The following ZNF697 variants were observed in gnomAD, a reference collection of about 807,000 sequenced individuals.
ZNF697 encodes zinc finger protein 697.
In ZNF697, 23 loss-of-function variants were observed where a neutral mutation model predicts 32.4. The ratio of observed to expected loss-of-function variants is 0.71; its 90% CI spans 0.51 to 1.01. The LOEUF (loss-of-function observed/expected upper bound fraction) is 1.01, where lower values mean the gene tolerates loss of function less well. Ranked by LOEUF, ZNF697 falls within the 50% of genes least tolerant of loss-of-function variation. The pLI is 0.00. For missense variants in ZNF697, 930 were observed against 794.0 expected, an observed-to-expected ratio of 1.17 and a Z score of -2.06; for synonymous variants, 418 against 337.2, an observed-to-expected ratio of 1.24 and a Z score of -2.62.
rs1268649653 is a variant in ZNF697 at position 119,622,796 on chromosome 1, G to A, written c.1547C>T (p.Thr516Met). Residue 516 changes from threonine to methionine, a missense_variant, in exon 3 of 3, where the codon ACG becomes ATG. By Grantham distance (81) the Thr-to-Met change is moderately conservative (BLOSUM62 -1). Transcript: ENST00000421812. ...SHLIRHRRIH[T>M]GNKPHKCAGC... The stretch of plus-strand genomic sequence containing the variant: ...CGCACACTTGTGCGGCTTGTTGCCC[G>A]TGTGGATGCGGCGGTGGCGGATCAG... 2.5e-6 allele frequency: 4 copies of A among 1,600,336 alleles called. No individual in the cohort carries two copies. The African/African-American group carries it at 4.0e-5, about 16-fold the overall frequency.
At position 119,623,926 on chromosome 1, in the gene ZNF697, G is replaced by C. The variant is rs372205850; in HGVS notation, c.417C>G (p.Pro139=). ...LEEEEEQPAP[P]VLPWRRHLSL... is the part of the protein sequence containing the mutation. Reference sequence around the variant, plus strand: ...AGAGATGTCGCCTCCAGGGAAGTACGGGAGGGGCCGGCTGCTCCTCTTCCT... The same window carrying C: ...AGAGATGTCGCCTCCAGGGAAGTACCGGAGGGGCCGGCTGCTCCTCTTCCT... The change falls in exon 3 of 3, where the codon CCC becomes CCG. Residue 139 remains proline (P), a synonymous_variant. Coordinates refer to ENST00000421812, the MANE Select transcript of ZNF697 (RefSeq NM_001080470.2). The C allele has an allele frequency of 6.3e-7, 1 of 1,584,238 alleles. No individual in the cohort carries two copies. Among genetic ancestry groups the C allele is most frequent in the East Asian group, 2.3e-5 (1 of 43,152 alleles).
chr1:119,628,492 G>T (rs908503256), intron 1 of ZNF697, among the ~76,000 whole-genome samples: 4 of 152,202 alleles, frequency 2.6e-5, no homozygotes, highest in Non-Finnish European at 4.4e-5. Context: ...CGTATGAAAA[G>T]TTCACAGTGC....
chr1:119,638,342 TTTAG>T (rs1015565851), intron 1 of ZNF697, among the ~76,000 whole-genome samples: 2 of 152,214 alleles, frequency 1.3e-5, no homozygotes, highest in Admixed American at 6.5e-5. Flanking sequence ...ATTGCTAACA[TTTAG>T]TTAGTGATCC....
intron 1 of ZNF697, among the ~76,000 whole-genome samples, chr1:119,642,456 T>C (rs1364838535): frequency 6.6e-6 from 1 of 152,176 alleles, no homozygotes; most frequent in African/African-American, 2.4e-5. Context: ...AGGCTGTACA[T>C]GTGTGAGGGC....
intron 1 of ZNF697, 26 bp from the exon 2 acceptor site, chr1:119,626,163 G>C: frequency 2.5e-6 from 4 of 1,604,740 alleles, no homozygotes; most frequent in Non-Finnish European, 2.6e-6. Context: ...ACAAAGAAAG[G>C]TCACGTCAGT....
intron 1 of ZNF697, among the ~76,000 whole-genome samples, chr1:119,628,636 A>G (rs1648670336): frequency 6.6e-6 from 1 of 152,220 alleles, no homozygotes; most frequent in Admixed American, 6.5e-5. Context: ...GATACCATTC[A>G]TGGCACAACA....
At chr1:119,637,966 A>G (rs1465398267) in intron 1 of ZNF697, among the ~76,000 whole-genome samples, 1 of 135,550 alleles carries the variant, frequency 7.4e-6, no homozygotes, top group African/African-American at 3.0e-5. Context: ...AGAAAGAGAC[A>G]GAGAGAGAGA....
In ZNF697 at chr1:119,623,307, CCGCGCCGCTGGCCGCCGCGTGCG is replaced by C. The variant is rs1478141677; in HGVS notation, c.1013_1035del (p.Ala338GlyfsTer89). ...GCGAAGGGCCGCAGCGCCGCCGCCC[CCGCGCCGCTGGCCGCCGCGTGCG>C]CGCGCCGGTGGCTCAACAGATGCGA... On this transcript the variant is annotated frameshift_variant, in exon 3 of 3. Transcript: ENST00000421812. LOFTEE classifies it high-confidence loss of function. The C allele has an allele frequency of 3.0e-6, 4 of 1,326,356 alleles. No individual in the cohort carries two copies. Among genetic ancestry groups the C allele is most frequent in the Admixed American group, 4.3e-5 (1 of 23,526 alleles). 82.2% of individuals were successfully genotyped at this position (1,326,356 alleles called of 1,614,324 possible).
chr1:119,638,264 C>T (rs1648977889), intron 1 of ZNF697, among the ~76,000 whole-genome samples: 1 of 152,170 alleles, frequency 6.6e-6, no homozygotes, highest in African/African-American at 2.4e-5. Flanking sequence ...TTAACATCAC[C>T]ACCACACTCT....
chr1:119,647,008 G>T (rs1649227414), intron 1 of ZNF697, among the ~76,000 whole-genome samples: 1 of 150,514 alleles, frequency 6.6e-6, no homozygotes, highest in Non-Finnish European at 1.5e-5. Context: ...ACAAGGACAG[G>T]GATACATCAC....
Position 119,624,073 on chromosome 1 carries a change from T to C in ZNF697, c.270A>G (p.Glu90=), listed in dbSNP as rs756455512. The change falls in exon 3 of 3, where the codon GAA becomes GAG. Residue 90 remains glutamate, a synonymous_variant. Transcript: ENST00000421812. ...SEEEGVSVRG[E]EDDQSGVADM... is the part of the protein sequence containing the mutation. ...CAGCTACACCGGATTGGTCATCCTC[T>C]TCCCCACGGACAGAAACGCCTTCTT... is the stretch of plus-strand genomic sequence containing the variant. The C allele has an allele frequency of 3.1e-6, 5 of 1,598,962 alleles. No individual in the cohort carries two copies. The highest frequency in any genetic ancestry group is 4.3e-6 in the Non-Finnish European group (5 of 1,171,816).
At chr1:119,633,908 CAT>C (rs772828436) in intron 1 of ZNF697, among the ~76,000 whole-genome samples, 1 of 152,222 alleles carries the variant, frequency 6.6e-6, no homozygotes, top group Admixed American at 6.5e-5. Flanking sequence ...TACACAGCCA[CAT>C]GTGTGTGTTA....
intron 1 of ZNF697, among the ~76,000 whole-genome samples, chr1:119,627,169 T>C (rs923094097): frequency 1.3e-5 from 2 of 152,230 alleles, no homozygotes; most frequent in African/African-American, 4.8e-5. Flanking sequence ...ACTGTAACTT[T>C]GAAGAGACTA....
intron 1 of ZNF697, among the ~76,000 whole-genome samples, chr1:119,626,987 G>GA (rs1343160046): frequency 6.6e-6 from 1 of 152,232 alleles, no homozygotes; most frequent in Non-Finnish European, 1.5e-5. Context: ...ATCATAGGGA[G>GA]AAAATGACAT....
intron 1 of ZNF697, among the ~76,000 whole-genome samples, chr1:119,627,290 G>A (rs1648618174): frequency 6.6e-6 from 1 of 152,148 alleles, no homozygotes; most frequent in Non-Finnish European, 1.5e-5. Flanking sequence ...AGGTGGCCCT[G>A]GTTCTACAGA....
chr1:119,622,803 T>TG lies in ZNF697; in HGVS notation c.1539dup (p.Ile514HisfsTer20). 1 of 1,598,482 alleles carries TG rather than the reference T, an allele frequency of 6.3e-7. No individual in the cohort carries two copies. Among genetic ancestry groups the TG allele is most frequent in the South Asian group, 1.1e-5 (1 of 89,464 alleles). ...TTGTGCGGCTTGTTGCCCGTGTGGA[T>TG]GCGGCGGTGGCGGATCAGGTGGGAG... is the stretch of plus-strand genomic sequence containing the variant. On this transcript the variant is annotated frameshift_variant, in exon 3 of 3. Transcript: ENST00000421812. LOFTEE classifies it high-confidence loss of function.
At chr1:119,632,522 C>A (rs1007442623) in intron 1 of ZNF697, among the ~76,000 whole-genome samples, 1 of 152,230 alleles carries the variant, frequency 6.6e-6, no homozygotes, top group African/African-American at 2.4e-5. Context: ...ACCAAGGCAA[C>A]AGAGAAACCA....
chr1:119,638,901 A>G (rs1389627958), intron 1 of ZNF697, among the ~76,000 whole-genome samples: 1 of 152,228 alleles, frequency 6.6e-6, no homozygotes, highest in Non-Finnish European at 1.5e-5. Context: ...CACGGGTTAA[A>G]GTAGAAGTCT....
At chr1:119,624,255 G>C in intron 2 of ZNF697, 139 bp from the exon 3 acceptor site, 2 of 1,088,268 alleles carry the variant, frequency 1.8e-6, no homozygotes, top group East Asian at 2.9e-5. Context: ...CCCCCTGAGA[G>C]TTTAGCCTCT....
Sources: gnomAD v4.1 joint callset for allele counts (sites outside exome capture counted in the v4.1 genomes callset) on GRCh38, gnomAD v4.1.1 for gene constraint, MANE v1.5 for transcripts, NCBI Gene and HGNC (gene_info 2026-07-23, HGNC 2026-07-21) for gene names.